Variants in XYLB observed in about 807,000 individuals in gnomAD.
XYLB encodes the protein xylulose kinase.
XYLB carries 62 observed loss-of-function variants against 78.7 expected under a neutral mutation model. The observed-to-expected ratio is 0.79, with a 90% CI of 0.64 to 0.97. The LOEUF is 0.97. Ranked by LOEUF, XYLB falls within the 50% of genes least tolerant of loss-of-function variation. The pLI is 0.00. For synonymous variants in XYLB, 245 were observed against 247.4 expected, an observed-to-expected ratio of 0.99 and a Z score of 0.09; for missense variants, 687 against 676.8, an observed-to-expected ratio of 1.02 and a Z score of -0.17.
intron 18 of XYLB, among the ~76,000 whole-genome samples, chr3:38,411,023 A>G (rs1708559079): frequency 6.6e-6 from 1 of 152,130 alleles, no homozygotes; most frequent in South Asian, 2.1e-4. Context: ...CAGCCATCCC[A>G]TTACTAGGTA....
chr3:38,439,230 C>T, the XYLB span, among the ~76,000 whole-genome samples: 10 of 152,136 alleles, frequency 6.6e-5, no homozygotes, highest in Non-Finnish European at 1.0e-4. Context: ...GAGGGGAACT[C>T]TAGGCCAGCC....
At chr3:38,441,358 GTACTGT>G in the XYLB span, among the ~76,000 whole-genome samples, 16 of 152,200 alleles carry the variant, frequency 1.1e-4, no homozygotes, top group African/African-American at 3.9e-4. Context: ...TTACTTTCAA[GTACTGT>G]TACATCACTA....
At chr3:38,379,527 A>G (rs954970539) in intron 15 of XYLB, among the ~76,000 whole-genome samples, 185 bp downstream of exon 15, 1 of 152,224 alleles carries the variant, frequency 6.6e-6, no homozygotes, top group African/African-American at 2.4e-5. Flanking sequence ...GTAGGCAAGC[A>G]TAGAATAGCA....
At chr3:38,347,298 A>C (rs1048935969) in intron 1 of XYLB, among the ~76,000 whole-genome samples, 4 of 152,236 alleles carry the variant, frequency 2.6e-5, no homozygotes, top group Non-Finnish European at 5.9e-5. Flanking sequence ...AGCTACTGTA[A>C]GGCAGGGGAA....
the XYLB span, among the ~76,000 whole-genome samples, chr3:38,437,603 G>C: frequency 6.6e-6 from 1 of 152,196 alleles, no homozygotes; most frequent in Non-Finnish European, 1.5e-5. Context: ...ACAAAAACCA[G>C]TCGTGTTGCT....
chr3:38,422,548 A>G (rs548229503), downstream of XYLB, among the ~76,000 whole-genome samples: 6 of 152,280 alleles, frequency 3.9e-5, no homozygotes, highest in African/African-American at 9.6e-5. Flanking sequence ...GGCCAATTCA[A>G]TCCGCTCAAT....
At chr3:38,446,616 A>G in the XYLB span, among the ~76,000 whole-genome samples, 2 of 152,244 alleles carry the variant, frequency 1.3e-5, no homozygotes, top group South Asian at 2.1e-4. Context: ...ATAAAGCCAC[A>G]TATTTATAGC....
At chr3:38,441,756 G>A in the XYLB span, among the ~76,000 whole-genome samples, 57 of 152,248 alleles carry the variant, frequency 3.7e-4, no homozygotes, top group Middle Eastern at 3.4e-3. Context: ...GGCCATTGCC[G>A]CAACTACCCA....
At chr3:38,348,472 C>T in intron 1 of XYLB, 78 bp from the exon 2 acceptor site, 1 of 1,396,476 alleles carries the variant, frequency 7.2e-7, no homozygotes, top group Non-Finnish European at 1.0e-6. Context: ...GGGGCCTCAT[C>T]TGGTGACGTT....
intron 15 of XYLB, among the ~76,000 whole-genome samples, chr3:38,387,476 T>C (rs552252021): frequency 6.6e-6 from 1 of 152,300 alleles, no homozygotes; most frequent in Admixed American, 6.5e-5. Flanking sequence ...GCTCAAGCGC[T>C]TCTCCTGCCT....
chr3:38,373,500 T>G (rs1366646871), intron 10 of XYLB, among the ~76,000 whole-genome samples: 1 of 152,256 alleles, frequency 6.6e-6, no homozygotes, highest in Non-Finnish European at 1.5e-5. Context: ...CTGGGCAGTA[T>G]CTTTCTCATT....
chr3:38,414,780 G>A lies in XYLB; in HGVS notation c.*1767G>A, dbSNP rs1008786794. On this transcript the variant is annotated 3_prime_UTR_variant, in exon 19 of 19. Coordinates refer to ENST00000207870, the MANE Select transcript of XYLB (RefSeq NM_005108.4). Reference sequence around the variant, plus strand: ...AAGGTAGGAGTAAGAAAAGCTAAGAGAAGCAAAACAAACAAAGCAATATTA... The same window carrying A: ...AAGGTAGGAGTAAGAAAAGCTAAGAAAAGCAAAACAAACAAAGCAATATTA... The A allele has an allele frequency of 6.6e-6, 1 of 151,830 alleles. No homozygotes were observed. The highest frequency in any genetic ancestry group is 1.5e-5 in the Non-Finnish European group (1 of 68,022). The allele number at this position is 151,830 out of a possible 1,614,324, so 9.4% of individuals were successfully genotyped here.
At chr3:38,402,383 A>G (rs1475513462) in intron 18 of XYLB, among the ~76,000 whole-genome samples, 1 of 152,222 alleles carries the variant, frequency 6.6e-6, no homozygotes, top group Non-Finnish European at 1.5e-5. Context: ...TAAGACATGT[A>G]GAAACACTAT....
At chr3:38,358,496 C>T (rs1315436978) in intron 2 of XYLB, among the ~76,000 whole-genome samples, 1 of 151,870 alleles carries the variant, frequency 6.6e-6, no homozygotes, top group African/African-American at 2.4e-5. Context: ...AGGTGCCCTC[C>T]ACCATGCCTG....
At chr3:38,421,038 G>C (rs1368072249), downstream of XYLB, among the ~76,000 whole-genome samples, 1 of 152,220 alleles carries the variant, frequency 6.6e-6, no homozygotes, top group African/African-American at 2.4e-5. Context: ...AGATTGCTTT[G>C]TTTCCCATAA....
chr3:38,390,288 A>C (rs1431891286), intron 15 of XYLB, among the ~76,000 whole-genome samples: 1 of 152,104 alleles, frequency 6.6e-6, no homozygotes. Context: ...TTCTCGGCTC[A>C]CTGCAACCTC....
At chr3:38,427,663 G>A in the XYLB span, among the ~76,000 whole-genome samples, 1 of 151,990 alleles carries the variant, frequency 6.6e-6, no homozygotes, top group East Asian at 1.9e-4. Flanking sequence ...GCATGGTCTT[G>A]GCTTACTGCA....
chr3:38,389,574 G>T (rs1189114010), intron 15 of XYLB, among the ~76,000 whole-genome samples: 4 of 149,758 alleles, frequency 2.7e-5, no homozygotes, highest in African/African-American at 1.0e-4. Context: ...GGCCGGGCGG[G>T]GGCTGACCCC....
chr3:38,380,066 A>G (rs1707073778), intron 15 of XYLB, among the ~76,000 whole-genome samples: 3 of 152,120 alleles, frequency 2.0e-5, no homozygotes, highest in African/African-American at 7.2e-5. Context: ...GAAAGCCACC[A>G]GTCCCGTTCC....
Sources: gnomAD v4.1 joint callset for allele counts (sites outside exome capture counted in the v4.1 genomes callset) on GRCh38, gnomAD v4.1.1 for gene constraint, MANE v1.5 for transcripts, NCBI Gene and HGNC (gene_info 2026-07-23, HGNC 2026-07-21) for gene names.